Variants in PSME4 observed in about 807,000 individuals in gnomAD.
The protein encoded by PSME4 is proteasome activator complex subunit 4.
Under a neutral mutation model 253.9 loss-of-function variants are expected in PSME4, and 89 were observed. That is an observed-to-expected ratio of 0.35 (90% CI 0.30 to 0.42). The LOEUF (loss-of-function observed/expected upper bound fraction) is 0.42, where lower values mean the gene tolerates loss of function less well. PSME4 is among the 10% of genes least tolerant of loss of function. PSME4 has a pLI of 1.00. For synonymous variants in PSME4, 851 were observed against 759.2 expected (o/e 1.12, Z -1.99); for missense variants, 2,014 against 2,195.2 (o/e 0.92, Z 1.65).
At chr2:53,894,567 C>CA (rs1198855444) in intron 34 of PSME4, among the ~76,000 whole-genome samples, 3 of 152,212 alleles carry the variant, frequency 2.0e-5, no homozygotes, top group Non-Finnish European at 4.4e-5. Flanking sequence ...CCATGGCTCC[C>CA]AGCCAAGTCA....
intron 1 of PSME4, among the ~76,000 whole-genome samples, chr2:53,962,308 G>C (rs1362457758): frequency 1.3e-5 from 2 of 149,174 alleles, no homozygotes; most frequent in Non-Finnish European, 3.0e-5. Context: ...CTAAAAATAA[G>C]TCTCATTTAG....
chr2:53,870,550 G>A, intron 43 of PSME4: 1 of 143,896 alleles, frequency 6.9e-6, no homozygotes, highest in East Asian at 2.0e-4. Context: ...TTTTTTTTTT[G>A]TATTTTTAGT....
At chr2:53,904,763 T>C (rs2104438351) in intron 26 of PSME4, among the ~76,000 whole-genome samples, 1 of 151,842 alleles carries the variant, frequency 6.6e-6, no homozygotes, top group African/African-American at 2.4e-5. Context: ...CTGAGGTGGG[T>C]GGATCACCTG....
intron 12 of PSME4, among the ~76,000 whole-genome samples, chr2:53,927,157 G>A (rs562452487): frequency 1.3e-5 from 2 of 152,234 alleles, no homozygotes; most frequent in Admixed American, 6.5e-5. Flanking sequence ...ACATAAAACT[G>A]AAATACACCT....
chr2:53,866,794 GC>G lies in PSME4; in HGVS notation c.5349del (p.Gln1783HisfsTer4). ...AGATGTGCACTGAGATTCATGAGGA[GC>G]TGGGGCATCCAGGTGGGAACATCGT... is the stretch of plus-strand genomic sequence containing the variant. ...SPYDVPTWMP[Q>X]LLMNLSAHLN... On this transcript the variant is annotated frameshift_variant, in exon 45 of 47. Transcript: ENST00000404125. LOFTEE classifies it high-confidence loss of function. 4 of 1,613,920 alleles carry G rather than the reference GC, an allele frequency of 2.5e-6. No individual in the cohort carries two copies. Among genetic ancestry groups the G allele is most frequent in the Non-Finnish European group, 3.4e-6 (4 of 1,179,828 alleles).
Position 53,919,214 on chromosome 2 carries a change from T to C in PSME4, c.2453A>G (p.His818Arg), listed in dbSNP as rs768203638. The change falls in exon 20 of 47, where the codon CAC (histidine) becomes CGC (arginine). Residue 818 changes from histidine to arginine, a missense_variant. Around this residue, in one of 4 missense-constraint regions of PSME4, gnomAD observed 989 missense variants for 1,021.1 expected, o/e 0.97. Transcript: ENST00000404125. ...DDILQSLTIVHNCLIGSGNLL... is the reference protein window; with the variant it reads ...DDILQSLTIVRNCLIGSGNLL... ...GTTTCCAGAGCCAATTAAACAGTTG[T>C]GCACTATAGTCAGACTCTGTAGAAT... 5.0e-6 allele frequency: 8 copies of C among 1,610,482 alleles called. No individual in the cohort carries two copies. The Admixed American group carries it at 1.3e-4, about 27-fold the overall frequency.
At chr2:53,962,701 G>C (rs1440072481) in intron 1 of PSME4, among the ~76,000 whole-genome samples, 6 of 152,104 alleles carry the variant, frequency 3.9e-5, no homozygotes, top group African/African-American at 1.4e-4. Context: ...TGTCCTAAAT[G>C]AACAAAAATG....
chr2:53,899,211 C>T (rs938909444), intron 29 of PSME4, among the ~76,000 whole-genome samples: 3 of 151,850 alleles, frequency 2.0e-5, no homozygotes, highest in African/African-American at 7.3e-5. Flanking sequence ...ACTGTAGGCG[C>T]GTGCCACCAT....
chr2:53,875,539 G>A, intron 42 of PSME4, 88 bp downstream of exon 42: 1 of 1,254,494 alleles, frequency 8.0e-7, no homozygotes, highest in South Asian at 1.7e-5. Context: ...CAAAAACTAG[G>A]CGCTGTGTGC....
chr2:53,912,623 C>G (rs112592514), intron 20 of PSME4, among the ~76,000 whole-genome samples: 1 of 152,098 alleles, frequency 6.6e-6, no homozygotes, highest in African/African-American at 2.4e-5. Context: ...ACCTCGCCAG[C>G]TAATTTTGTT....
At chr2:53,888,082 G>T in intron 38 of PSME4, 93 bp from the exon 39 acceptor site, 1 of 1,321,922 alleles carries the variant, frequency 7.6e-7, no homozygotes, top group Non-Finnish European at 1.0e-6. Context: ...TTCACTTAAA[G>T]CTTTTTCGTT....
intron 3 of PSME4, among the ~76,000 whole-genome samples, chr2:53,941,887 ATAT>A (rs1053096487): frequency 5.9e-5 from 9 of 152,126 alleles, no homozygotes; most frequent in African/African-American, 1.7e-4. Context: ...TGCTATACCA[ATAT>A]ACTTTCGCAT....
In PSME4 at chr2:53,908,368, G is replaced by C; in HGVS notation, c.2736C>G (p.Asp912Glu). 1 of 1,613,188 alleles carries C rather than the reference G, an allele frequency of 6.2e-7. No individual in the cohort carries two copies. The highest frequency in any genetic ancestry group is 8.5e-7 in the Non-Finnish European group (1 of 1,179,548). Residue 912 changes from aspartate (D) to glutamate (E), a missense_variant, in exon 24 of 47, where the codon GAC becomes GAG. Coordinates refer to ENST00000404125, the MANE Select transcript of PSME4 (RefSeq NM_014614.3). ...CTAAGTTGAAGCTTTTCCATCGGGA[G>C]TCAAATTCATGCTTGTGAGATCCTT... Reference protein sequence around the residue: ...QFQGSHKHEFDSRWKSFNLVK... With the variant: ...QFQGSHKHEFESRWKSFNLVK...
At chr2:53,921,511 C>G (rs570791555) in intron 17 of PSME4, among the ~76,000 whole-genome samples, 1 of 147,522 alleles carries the variant, frequency 6.8e-6, no homozygotes, top group African/African-American at 2.5e-5. Flanking sequence ...TCCCAAAGTG[C>G]TGGGATTACA....
intron 4 of PSME4, among the ~76,000 whole-genome samples, chr2:53,938,541 C>A (rs1669232724): frequency 6.8e-6 from 1 of 146,958 alleles, no homozygotes; most frequent in African/African-American, 2.5e-5. Flanking sequence ...AACTCTTAAA[C>A]TGAAGTGATC....
intron 1 of PSME4, among the ~76,000 whole-genome samples, chr2:53,969,509 G>C (rs1670926613): frequency 1.3e-5 from 2 of 152,118 alleles, no homozygotes; most frequent in South Asian, 2.1e-4. Context: ...AGTGAGTTAT[G>C]TCTTGTGTGT....
At position 53,926,026 on chromosome 2, in the gene PSME4, A is replaced by G. The variant is rs1252496385; in HGVS notation, c.1594-3T>C. On this transcript the variant is annotated splice_polypyrimidine_tract_variant and splice_region_variant and intron_variant, in intron 12 of 46. Transcript: ENST00000404125. ...GCTGAACAAAGTTCTCGTTCCACCT[A>G]TAATATCCCAATATGGAGAAAGATT... is the stretch of plus-strand genomic sequence containing the variant. The G allele has an allele frequency of 1.2e-6, 2 of 1,609,246 alleles. No individual in the cohort carries two copies. The highest frequency in any genetic ancestry group is 1.7e-5 in the Admixed American group (1 of 60,002).
chr2:53,902,969 G>C lies in PSME4; in HGVS notation c.3075+1056C>G, dbSNP rs373259791. On this transcript the variant is annotated intron_variant, in intron 27 of 46. Transcript: ENST00000404125. ...AAAAAACAATGACTCTACTCACTGA[G>C]TCTTCCTTCTAGAAAGACCTCTCCC... 7.2e-5 allele frequency among the ~76,000 whole-genome samples: 11 copies of C among 152,212 alleles called. No individual in the cohort carries two copies. In the East Asian group the frequency reaches 1.9e-3, roughly 27 times the overall value.
chr2:53,952,368 CCT>C (rs1303346958), intron 1 of PSME4, among the ~76,000 whole-genome samples: 4 of 152,106 alleles, frequency 2.6e-5, no homozygotes, highest in Admixed American at 1.3e-4. Flanking sequence ...TGATGAAACC[CCT>C]GTCTCTACTA....
Sources: gnomAD v4.1 joint callset for allele counts (sites outside exome capture counted in the v4.1 genomes callset) on GRCh38, gnomAD v4.1.1 for gene constraint, gnomAD v4.1.1 regional missense constraint, MANE v1.5 for transcripts, NCBI Gene and HGNC (gene_info 2026-07-23, HGNC 2026-07-21) for gene names.